ELAPOR2: variants seen among roughly 807,000 people sequenced by gnomAD.
The protein encoded by ELAPOR2 is endosome/lysosome-associated apoptosis and autophagy regulator family member 2.
In ELAPOR2, 89 loss-of-function variants were observed where a neutral mutation model predicts 120.7. The observed-to-expected ratio is 0.74, with a 90% CI of 0.62 to 0.88. The LOEUF (loss-of-function observed/expected upper bound fraction) is 0.88. Among genes scored for constraint, ELAPOR2 ranks in the 40% least tolerant of loss-of-function variants. ELAPOR2 has a pLI of 0.00. For synonymous variants in ELAPOR2, 444 were observed against 444.9 expected, an observed-to-expected ratio of 1.00 and a Z score of 0.03; for missense variants, 1,134 against 1,251.6, an observed-to-expected ratio of 0.91 and a Z score of 1.42.
chr7:86,927,025 G>A, intron 8 of ELAPOR2, 109 bp from the exon 9 acceptor site: 3 of 975,388 alleles, frequency 3.1e-6, no homozygotes, highest in African/African-American at 1.7e-5. Flanking sequence ...GAATAGAAGG[G>A]CCAGCTGACA....
intron 15 of ELAPOR2, chr7:86,911,588 C>A (rs1009794680): frequency 2.2e-6 from 1 of 454,180 alleles, no homozygotes; most frequent in African/African-American, 2.0e-5. Flanking sequence ...CTTCTCACAG[C>A]AAATAAAATC....
At position 87,023,198 on chromosome 7, in the gene ELAPOR2, G is replaced by A. The variant is rs201475586; in HGVS notation, c.189+36127C>T. 7.9e-5 allele frequency among the ~76,000 whole-genome samples: 12 copies of A among 152,268 alleles called. No homozygotes were observed. The East Asian group carries it at 2.3e-3, about 29-fold the overall frequency. ...TCTTCTAGGGTTTGTATGGTTTTAG[G>A]TCTAACATTTAAGTCTTTAATCCAT... On this transcript the variant is annotated intron_variant, in intron 1 of 21. Transcript: ENST00000450689.
chr7:86,973,627 A>G (rs1792177989), intron 1 of ELAPOR2, among the ~76,000 whole-genome samples: 1 of 152,206 alleles, frequency 6.6e-6, no homozygotes, highest in Non-Finnish European at 1.5e-5. Flanking sequence ...GTTCCTGCAC[A>G]ATGGTATGGT....
At chr7:86,923,171 C>A (rs1016017617) in intron 10 of ELAPOR2, among the ~76,000 whole-genome samples, 1 of 151,780 alleles carries the variant, frequency 6.6e-6, no homozygotes, top group African/African-American at 2.4e-5. Context: ...AGGTAAATAG[C>A]AATTAGTTAA....
At position 87,042,290 on chromosome 7, in the gene ELAPOR2, C is replaced by T. The variant is rs1253179606; in HGVS notation, c.189+17035G>A. Among the ~76,000 whole-genome samples the T allele has an allele frequency of 8.0e-5, 12 of 150,510 alleles. No individual in the cohort carries two copies. In the South Asian group the frequency reaches 2.5e-3, roughly 31 times the overall value. On this transcript the variant is annotated intron_variant, in intron 1 of 21. Coordinates refer to ENST00000450689, the MANE Select transcript of ELAPOR2 (RefSeq NM_001142749.3). Reference sequence around the variant, plus strand: ...TAGACATCTACAGAACTCTCCACCCCAAGTCAACAGAATATACATTTTTTT... The same window carrying T: ...TAGACATCTACAGAACTCTCCACCCTAAGTCAACAGAATATACATTTTTTT...
At chr7:87,037,046 A>T (rs913159848) in intron 1 of ELAPOR2, among the ~76,000 whole-genome samples, 2 of 152,030 alleles carry the variant, frequency 1.3e-5, no homozygotes, top group African/African-American at 4.8e-5. Flanking sequence ...TGCTAATGCT[A>T]ATCCTTCTCT....
chr7:87,016,305 A>G (rs1793865597), intron 1 of ELAPOR2, among the ~76,000 whole-genome samples: 1 of 152,110 alleles, frequency 6.6e-6, no homozygotes, highest in South Asian at 2.1e-4. Flanking sequence ...AGGATTTACA[A>G]GTAAGGGGAT....
intron 10 of ELAPOR2, chr7:86,919,720 T>C (rs1329444002): frequency 1.3e-5 from 2 of 153,974 alleles, no homozygotes; most frequent in Non-Finnish European, 2.9e-5. Flanking sequence ...TTTGCTGTAC[T>C]GTTGTTCCCT....
chr7:86,897,615 G>A lies in ELAPOR2; in HGVS notation c.2576C>T (p.Thr859Ile). Residue 859 changes from threonine (T) to isoleucine (I), a missense_variant, in exon 19 of 22, where the codon ACC (threonine) becomes ATC (isoleucine). By Grantham distance (89) the Thr-to-Ile change is moderately conservative. Coordinates refer to ENST00000450689, the MANE Select transcript of ELAPOR2 (RefSeq NM_001142749.3). ...GAAATAGAACGTACACCCATCACAG[G>A]TACCTGCTGGGCACTTGCTAAAATC... The part of the protein sequence containing the change: ...ISVPSKCPAG[T>I]CDGCTFYFLW... 1 of 1,613,166 alleles carries A rather than the reference G, an allele frequency of 6.2e-7. No individual in the cohort carries two copies. The highest frequency in any genetic ancestry group is 8.5e-7 in the Non-Finnish European group (1 of 1,179,434).
At chr7:86,948,276 C>G (rs1209856314) in intron 2 of ELAPOR2, among the ~76,000 whole-genome samples, 3 of 152,210 alleles carry the variant, frequency 2.0e-5, no homozygotes, top group African/African-American at 7.2e-5. Flanking sequence ...CACTTCATAA[C>G]AGATCCCTTC....
chr7:87,039,611 T>C (rs1302555961), intron 1 of ELAPOR2, among the ~76,000 whole-genome samples: 2 of 152,042 alleles, frequency 1.3e-5, no homozygotes, highest in African/African-American at 2.4e-5. Context: ...CATACGCAAA[T>C]AAATCAATGT....
intron 1 of ELAPOR2, among the ~76,000 whole-genome samples, chr7:87,036,383 C>T (rs1338596439): frequency 6.6e-6 from 1 of 152,106 alleles, no homozygotes; most frequent in East Asian, 1.9e-4. Flanking sequence ...ACTCGGGAGG[C>T]TGAGGTTGGA....
chr7:86,931,008 A>G (rs1790300613), intron 8 of ELAPOR2, among the ~76,000 whole-genome samples: 2 of 151,932 alleles, frequency 1.3e-5, no homozygotes, highest in African/African-American at 4.8e-5. Context: ...AGCTACTATA[A>G]CGTAAAAACT....
At chr7:86,936,898 T>G (rs1790584681) in intron 8 of ELAPOR2, among the ~76,000 whole-genome samples, 1 of 152,096 alleles carries the variant, frequency 6.6e-6, no homozygotes, top group Admixed American at 6.6e-5. Context: ...ATCCCATTCC[T>G]TTAACCCTCA....
At chr7:87,028,554 TA>T (rs1237899037) in intron 1 of ELAPOR2, among the ~76,000 whole-genome samples, 1 of 152,094 alleles carries the variant, frequency 6.6e-6, no homozygotes, top group Admixed American at 6.6e-5. Flanking sequence ...ACAAAATATA[TA>T]AAAAATCCAA....
intron 1 of ELAPOR2, among the ~76,000 whole-genome samples, chr7:86,970,054 AATAG>A (rs1477722540): frequency 1.3e-5 from 2 of 152,188 alleles, no homozygotes; most frequent in Non-Finnish European, 2.9e-5. Flanking sequence ...AGGGTGGATG[AATAG>A]GTGAGTGAGT....
intron 13 of ELAPOR2, among the ~76,000 whole-genome samples, chr7:86,913,442 T>C (rs1229368961): frequency 6.6e-6 from 1 of 152,214 alleles, no homozygotes; most frequent in East Asian, 1.9e-4. Flanking sequence ...ACAATTACTG[T>C]GAGATCTGTC....
intron 1 of ELAPOR2, among the ~76,000 whole-genome samples, chr7:86,976,951 C>A (rs190200115): frequency 1.6e-4 from 25 of 152,262 alleles, no homozygotes; most frequent in Admixed American, 5.9e-4. Context: ...TCAGAACTGC[C>A]CTGCATAAGT....
intron 1 of ELAPOR2, among the ~76,000 whole-genome samples, chr7:86,994,490 A>G (rs1247781418): frequency 6.6e-6 from 1 of 152,234 alleles, no homozygotes; most frequent in Non-Finnish European, 1.5e-5. Context: ...AGCCCCACTA[A>G]CACATATACT....
Sources: allele counts gnomAD v4.1 joint callset (sites outside exome capture counted in the v4.1 genomes callset), GRCh38; gene constraint gnomAD v4.1.1; transcripts MANE v1.5; gene names NCBI Gene and HGNC (gene_info 2026-07-23, HGNC 2026-07-21).